KPNA7: variants seen among roughly 807,000 people sequenced by gnomAD.
KPNA7 encodes karyopherin subunit alpha 7, also known as importin subunit alpha-8.
A neutral mutation model predicts 53.7 loss-of-function variants in KPNA7; 54 were observed. That is an observed-to-expected ratio of 1.01 (90% CI 0.81 to 1.26). KPNA7 has a LOEUF of 1.26. Ranked by LOEUF, KPNA7 falls within the 50% of genes most tolerant of loss-of-function variation. The pLI is 0.00. For synonymous variants in KPNA7, 276 were observed against 259.3 expected (o/e 1.06, Z -0.62); for missense variants, 640 against 644.5 (o/e 0.99, Z 0.07).
rs1563067863 is a variant in KPNA7 at position 99,180,703 on chromosome 7, GTGTC to G, written c.1317+1176_1317+1179del. On this transcript the variant is annotated intron_variant, in intron 9 of 10. Transcript: ENST00000327442. Reference sequence around the variant, plus strand: ...TCTCTCCCCGTCTGTGTCTCTGTCTGTGTCTCTCTCTCTCTCCGTCTGTGTCTCT... The same window carrying G: ...TCTCTCCCCGTCTGTGTCTCTGTCTGTCTCTCTCTCTCCGTCTGTGTCTCT... Among the ~76,000 whole-genome samples, 261 of 70,108 alleles carry G rather than the reference GTGTC, an allele frequency of 3.7e-3. 4 individuals are homozygous for G. The highest frequency in any genetic ancestry group is 0.013 in the African/African-American group (256 of 19,714). 46.0% of individuals were successfully genotyped at this position (70,108 alleles called of 152,430 possible). A position where few individuals can be genotyped will look rare whatever the true frequency, so the allele number is the denominator to read the frequency against.
intron 9 of KPNA7, among the ~76,000 whole-genome samples, chr7:99,178,563 G>A (rs1010499921): frequency 6.6e-6 from 1 of 151,510 alleles, no homozygotes; most frequent in Non-Finnish European, 1.5e-5. Flanking sequence ...ATAAGACTCA[G>A]TCTCAAAAAA....
At chr7:99,160,325 TCTC>T in the KPNA7 span, among the ~76,000 whole-genome samples, 157 of 151,598 alleles carry the variant, frequency 1.0e-3, 1 homozygote, top group African/African-American at 3.4e-3. Flanking sequence ...GCACCCGGCC[TCTC>T]CTCTGTCTTT....
chr7:99,192,159 A>G (rs1239782451), intron 6 of KPNA7, among the ~76,000 whole-genome samples: 3 of 152,172 alleles, frequency 2.0e-5, no homozygotes, highest in African/African-American at 7.2e-5. Context: ...TTTTTGTGTG[A>G]AAAATCAGAC....
upstream of KPNA7, among the ~76,000 whole-genome samples, chr7:99,212,749 AAATT>A (rs1791108952): frequency 6.6e-6 from 1 of 151,928 alleles, no homozygotes; most frequent in Non-Finnish European, 1.5e-5. Context: ...AAAAAATTAA[AAATT>A]AATCCGGCAT....
chr7:99,213,114 G>A (rs1256335053), upstream of KPNA7, among the ~76,000 whole-genome samples: 1 of 150,418 alleles, frequency 6.6e-6, no homozygotes, highest in African/African-American at 2.5e-5. Flanking sequence ...TATTTAAGGA[G>A]CAATGGCCAA....
chr7:99,183,034 T>C (rs868441565), intron 8 of KPNA7, among the ~76,000 whole-genome samples: 3 of 152,088 alleles, frequency 2.0e-5, no homozygotes, highest in Admixed American at 6.6e-5. Context: ...GGCAGGCAGA[T>C]TGCCTGAGCT....
intron 6 of KPNA7, among the ~76,000 whole-genome samples, chr7:99,190,759 C>G (rs1422192904): frequency 1.3e-5 from 2 of 151,594 alleles, no homozygotes; most frequent in Admixed American, 1.3e-4. Flanking sequence ...GCGATCCTCT[C>G]GCCTTGCCTT....
intron 7 of KPNA7, among the ~76,000 whole-genome samples, chr7:99,187,148 G>A (rs113074595): frequency 1.8e-4 from 27 of 152,158 alleles, no homozygotes; most frequent in African/African-American, 4.6e-4. Flanking sequence ...TTAGCTGGGC[G>A]TGATGGTAGT....
At chr7:99,188,275 C>A in intron 7 of KPNA7, 25 bp downstream of exon 7, 1 of 1,542,712 alleles carries the variant, frequency 6.5e-7, no homozygotes, top group South Asian at 1.2e-5. Flanking sequence ...GGACTCGAAT[C>A]CACAGGGCCC....
chr7:99,165,447 AC>A, the KPNA7 span, among the ~76,000 whole-genome samples: 10 of 152,044 alleles, frequency 6.6e-5, no homozygotes, highest in Non-Finnish European at 1.5e-4. Context: ...CTCGAGGAGC[AC>A]CCCACCCTCA....
At chr7:99,178,145 G>T in intron 9 of KPNA7, 79 bp from the exon 10 acceptor site, 1 of 1,316,846 alleles carries the variant, frequency 7.6e-7, no homozygotes, top group Non-Finnish European at 1.0e-6. Context: ...CCTCAAGGGA[G>T]CTGCCCCGAG....
At chr7:99,160,918 G>A in the KPNA7 span, among the ~76,000 whole-genome samples, 2 of 151,662 alleles carry the variant, frequency 1.3e-5, no homozygotes, top group Non-Finnish European at 2.9e-5. Flanking sequence ...CCAGACTGGA[G>A]TGCAGTCACA....
chr7:99,193,146 A>G (rs1236043727), intron 5 of KPNA7, 45 bp from the exon 6 acceptor site: 1 of 1,226,636 alleles, frequency 8.2e-7, no homozygotes, highest in Admixed American at 3.2e-5. Flanking sequence ...GAACAAAGAC[A>G]ATCCTGAAGT....
At chr7:99,204,762 G>A (rs1790709153) in intron 2 of KPNA7, among the ~76,000 whole-genome samples, 1 of 151,896 alleles carries the variant, frequency 6.6e-6, no homozygotes, top group South Asian at 2.1e-4. Context: ...AGGCTGAGGT[G>A]GGAGGATCAC....
At chr7:99,198,550 G>GA (rs926856685) in intron 3 of KPNA7, among the ~76,000 whole-genome samples, 2 of 151,590 alleles carry the variant, frequency 1.3e-5, no homozygotes, top group African/African-American at 4.8e-5. Flanking sequence ...TCTCAATGCA[G>GA]AAAAAACATT....
At chr7:99,213,453 A>AG in intron 1 of KPNA7, among the ~76,000 whole-genome samples, 1 of 143,512 alleles carries the variant, frequency 7.0e-6, no homozygotes, top group Non-Finnish European at 1.5e-5. Flanking sequence ...AAAAAAAAAA[A>AG]AAAAGAGAGA....
chr7:99,184,835 T>G, intron 8 of KPNA7, 94 bp downstream of exon 8: 2 of 1,034,466 alleles, frequency 1.9e-6, no homozygotes, highest in Non-Finnish European at 2.9e-6. Flanking sequence ...TGATCTCAAT[T>G]TGCTTCTGCA....
intron 3 of KPNA7, among the ~76,000 whole-genome samples, chr7:99,197,319 C>T (rs1790278262): frequency 6.6e-6 from 1 of 152,170 alleles, no homozygotes; most frequent in Admixed American, 6.6e-5. Context: ...AGATAATTAG[C>T]TCAAACTACT....
intron 1 of KPNA7, among the ~76,000 whole-genome samples, chr7:99,217,865 A>G (rs1791251942): frequency 6.6e-6 from 1 of 152,090 alleles, no homozygotes. Flanking sequence ...TCCTGGCCTC[A>G]AGCAACCCAC....
Sources: gnomAD v4.1 joint callset for allele counts (sites outside exome capture counted in the v4.1 genomes callset) on GRCh38, gnomAD v4.1.1 for gene constraint, MANE v1.5 for transcripts, NCBI Gene and HGNC (gene_info 2026-07-23, HGNC 2026-07-21) for gene names.